Variants in FOXN3 observed in about 807,000 individuals in gnomAD.
FOXN3 encodes forkhead box protein N3.
In FOXN3, 7 loss-of-function variants were observed where a neutral mutation model predicts 38.4. The observed-to-expected ratio is 0.18, with a 90% CI of 0.10 to 0.34. The LOEUF (loss-of-function observed/expected upper bound fraction) is 0.34, where lower values mean the gene tolerates loss of function less well. Ranked by LOEUF, FOXN3 falls within the 10% of genes least tolerant of loss-of-function variation. The probability of loss-of-function intolerance (pLI) is 1.00; values close to 1 mark genes in which losing one functional copy is unlikely to be tolerated. For synonymous variants in FOXN3, 230 were observed against 242.2 expected, an observed-to-expected ratio of 0.95 and a Z score of 0.47; for missense variants, 456 against 613.4, an observed-to-expected ratio of 0.74 and a Z score of 2.71.
In FOXN3 at chr14:89,507,011, C is replaced by G. The variant is rs144767756; in HGVS notation, c.-14-94521G>C. On this transcript the variant is annotated intron_variant, in intron 1 of 6. Coordinates refer to the FOXN3 transcript ENST00000345097. Reference sequence around the variant, plus strand: ...TGCGCAAGGCCGCAGGGTCCTCTGCCTAGGAAAACCAGAGACCTTTGTTCA... The same window carrying G: ...TGCGCAAGGCCGCAGGGTCCTCTGCGTAGGAAAACCAGAGACCTTTGTTCA... Among the ~76,000 whole-genome samples the G allele has an allele frequency of 4.8e-3, 729 of 152,104 alleles. 7 individuals are homozygous for G. The highest frequency in any genetic ancestry group is 0.017 in the African/African-American group (695 of 41,488).
chr14:89,170,831 C>A (rs1008879214), intron 5 of FOXN3, among the ~76,000 whole-genome samples: 1 of 151,874 alleles, frequency 6.6e-6, no homozygotes, highest in Non-Finnish European at 1.5e-5. Flanking sequence ...TATACCTTAA[C>A]AATAATTAAA....
intron 3 of FOXN3, among the ~76,000 whole-genome samples, chr14:89,318,970 G>A (rs1253794497): frequency 6.6e-6 from 1 of 152,248 alleles, no homozygotes; most frequent in East Asian, 1.9e-4. Flanking sequence ...CAGGGAGTGT[G>A]AAGATGAGGT....
chr14:89,383,520 G>A (rs1304268737), intron 2 of FOXN3, among the ~76,000 whole-genome samples: 1 of 152,222 alleles, frequency 6.6e-6, no homozygotes, highest in Non-Finnish European at 1.5e-5. Context: ...CAGACCAGAA[G>A]TGTGAAATCA....
chr14:89,605,840 C>T (rs1040519987), intron 1 of FOXN3, among the ~76,000 whole-genome samples: 6 of 151,878 alleles, frequency 4.0e-5, no homozygotes, highest in African/African-American at 7.3e-5. Flanking sequence ...AGAGGCTGAA[C>T]GCAGTAGCTC....
At chr14:89,602,590 G>A (rs1444919928) in intron 1 of FOXN3, among the ~76,000 whole-genome samples, 4 of 151,726 alleles carry the variant, frequency 2.6e-5, no homozygotes, top group African/African-American at 7.3e-5. Context: ...TCCGCCCCCC[G>A]AGTTCAAGTG....
intron 1 of FOXN3, among the ~76,000 whole-genome samples, chr14:89,459,741 T>C (rs936280836): frequency 1.3e-5 from 2 of 152,136 alleles, no homozygotes; most frequent in African/African-American, 4.8e-5. Context: ...TAACTGGATT[T>C]AGAAAGCAGG....
chr14:89,487,859 G>A (rs71426922), intron 1 of FOXN3, among the ~76,000 whole-genome samples: 2 of 152,062 alleles, frequency 1.3e-5, no homozygotes, highest in Non-Finnish European at 2.9e-5. Context: ...GGGGTGCCAC[G>A]AAAGGAAGGC....
intron 1 of FOXN3, among the ~76,000 whole-genome samples, chr14:89,497,677 A>G (rs1416025312): frequency 6.6e-6 from 1 of 152,166 alleles, no homozygotes; most frequent in Non-Finnish European, 1.5e-5. Flanking sequence ...TGCTGGGATT[A>G]CAGGCATGAG....
chr14:89,219,891 T>C (rs1393438847), intron 4 of FOXN3, among the ~76,000 whole-genome samples: 8 of 152,190 alleles, frequency 5.3e-5, no homozygotes, highest in Admixed American at 6.5e-5. Flanking sequence ...TGAGGTATCA[T>C]TGGGCTAGGT....
At chr14:89,456,038 T>C (rs1030053125) in intron 1 of FOXN3, among the ~76,000 whole-genome samples, 1 of 151,588 alleles carries the variant, frequency 6.6e-6, no homozygotes, top group African/African-American at 2.4e-5. Flanking sequence ...ACTAAAAATA[T>C]AAAAAATTAG....
chr14:89,308,992 G>A (rs1887455772), intron 3 of FOXN3, among the ~76,000 whole-genome samples: 1 of 152,196 alleles, frequency 6.6e-6, no homozygotes, highest in South Asian at 2.1e-4. Context: ...GTTCCCTTGA[G>A]GCCTGGCCGC....
At chr14:89,404,772 G>A (rs1372718795) in intron 2 of FOXN3, among the ~76,000 whole-genome samples, 1 of 151,916 alleles carries the variant, frequency 6.6e-6, no homozygotes, top group East Asian at 1.9e-4. Flanking sequence ...TCCGACGCTG[G>A]ACAAGGCAGC....
rs150387432 is a variant in FOXN3, at chr14:89,603,318, C to T, written c.-15+15710G>A. Among the ~76,000 whole-genome samples, 641 of 152,256 alleles carry T rather than the reference C, an allele frequency of 4.2e-3. 10 individuals carry two copies. Among genetic ancestry groups the T allele is most frequent in the Non-Finnish European group, 5.2e-3 (351 of 68,026 alleles). On this transcript the variant is annotated intron_variant, in intron 1 of 6. Transcript: ENST00000345097. The stretch of plus-strand genomic sequence containing the variant: ...ACCTTAAAGAGTGGTATCCACTAAT[C>T]GGGTCACCCATTTTGGGTATGTAAG...
intron 4 of FOXN3, among the ~76,000 whole-genome samples, chr14:89,229,454 T>A (rs3742679): frequency 0.32 from 49,056 of 152,060 alleles, 8,213 homozygotes; most frequent in South Asian, 0.44. Flanking sequence ...TGGGATCACA[T>A]GAGGGACAGA....
chr14:89,450,250 C>A (rs1413848544), intron 1 of FOXN3, among the ~76,000 whole-genome samples: 1 of 152,246 alleles, frequency 6.6e-6, no homozygotes, highest in Non-Finnish European at 1.5e-5. Context: ...TCTGTCTCCT[C>A]TTCTATTAAG....
intron 1 of FOXN3, among the ~76,000 whole-genome samples, chr14:89,446,111 A>AT (rs1892490231): frequency 4.9e-5 from 7 of 142,746 alleles, no homozygotes; most frequent in Non-Finnish European, 1.1e-4. Context: ...AAAAAAAAAA[A>AT]TTTTAAGGAA....
intron 4 of FOXN3, among the ~76,000 whole-genome samples, chr14:89,217,133 TG>T (rs5810452): frequency 0.19 from 28,792 of 152,006 alleles, 2,750 homozygotes; most frequent in East Asian, 0.32. Flanking sequence ...GATCTCAAAA[TG>T]TTTTTTTGGT....
intron 1 of FOXN3, among the ~76,000 whole-genome samples, chr14:89,479,179 C>T (rs1893274161): frequency 6.6e-6 from 1 of 152,104 alleles, no homozygotes; most frequent in African/African-American, 2.4e-5. Flanking sequence ...AAAACCCACC[C>T]TGCCACAAGC....
intron 3 of FOXN3, among the ~76,000 whole-genome samples, chr14:89,334,577 T>C (rs1888383384): frequency 8.0e-6 from 1 of 125,052 alleles, no homozygotes. Context: ...GCCACTGCAC[T>C]CCAGCCTGGG....
Sources: allele counts gnomAD v4.1 joint callset (sites outside exome capture counted in the v4.1 genomes callset), GRCh38; gene constraint gnomAD v4.1.1; transcripts MANE v1.5; gene names NCBI Gene and HGNC (gene_info 2026-07-23, HGNC 2026-07-21).